The following PRKCG variants were observed in gnomAD, a reference collection of about 807,000 sequenced individuals.
The protein encoded by PRKCG is protein kinase C gamma.
PRKCG carries 28 observed loss-of-function variants against 82.0 expected under a neutral mutation model. That is an observed-to-expected ratio of 0.34 (90% CI 0.25 to 0.47). PRKCG has a LOEUF of 0.47. Among genes scored for constraint, PRKCG ranks in the 20% least tolerant of loss-of-function variants. PRKCG has a pLI of 1.00. For synonymous variants in PRKCG, 383 were observed against 376.6 expected (o/e 1.02, Z -0.20); for missense variants, 640 against 952.7 (o/e 0.67, Z 4.32).
intron 9 of PRKCG, among the ~76,000 whole-genome samples, chr19:53,894,634 A>G (rs189541729): frequency 9.2e-4 from 139 of 151,228 alleles, no homozygotes; most frequent in African/African-American, 3.2e-3. Flanking sequence ...TAATTTTTGT[A>G]TTTTTAGTAG....
rs757580939 is a variant in PRKCG at position 53,900,262 on chromosome 19, C to T, written c.1311C>T (p.Val437=). Residue 437 remains valine, a synonymous_variant, in exon 12 of 18, where the codon GTC becomes GTT. Transcript: ENST00000263431. The surrounding 1 kb of genome is among the most constrained non-coding windows in gnomAD (Gnocchi z 4.2). ...PDRLYFVMEY[V]TGGDLMYHIQ... ...GCCTGTATTTCGTGATGGAGTACGT[C>T]ACCGGGGGAGACTTGATGTACCACA... 1 of 1,614,138 alleles carries T rather than the reference C, an allele frequency of 6.2e-7. No individual in the cohort carries two copies. The highest frequency in any genetic ancestry group is 1.1e-5 in the South Asian group (1 of 91,084).
At position 53,906,757 on chromosome 19, in the gene PRKCG, A is replaced by G; in HGVS notation, c.1956A>G (p.Pro652=). The part of the protein sequence containing the change: ...NFDKFFTRAA[P]ALTPPDRLVL... ...ACAAGTTCTTCACGCGGGCGGCGCCAGCGCTGACCCCTCCAGACCGCCTAG... is the reference window on the plus strand; with the variant it reads ...ACAAGTTCTTCACGCGGGCGGCGCCGGCGCTGACCCCTCCAGACCGCCTAG... Residue 652 remains proline, a synonymous_variant, in exon 18 of 18, where the codon CCA becomes CCG. Coordinates refer to ENST00000263431, the MANE Select transcript of PRKCG (RefSeq NM_002739.5). 1.2e-6 allele frequency: 2 copies of G among 1,613,412 alleles called. No homozygotes were observed. Among genetic ancestry groups the G allele is most frequent in the Non-Finnish European group, 1.7e-6 (2 of 1,179,976 alleles).
At chr19:53,895,921 G>C (rs950857510) in intron 9 of PRKCG, among the ~76,000 whole-genome samples, 1 of 152,030 alleles carries the variant, frequency 6.6e-6, no homozygotes, top group Admixed American at 6.6e-5. Flanking sequence ...TTAGCTGGGC[G>C]TGGTGGTGGG....
intron 9 of PRKCG, among the ~76,000 whole-genome samples, chr19:53,897,182 G>T (rs1003569663): frequency 1.1e-4 from 16 of 152,158 alleles, no homozygotes; most frequent in African/African-American, 3.6e-4. Flanking sequence ...TAACACAGAG[G>T]GAGCAGTTAA....
chr19:53,906,086 T>TTCA lies in PRKCG; in HGVS notation c.1765-229_1765-228insATC, dbSNP rs2068806669. The stretch of plus-strand genomic sequence containing the variant: ...CTCCTCCTCCTCCTCCTCCTCCTCC[T>TTCA]TCTTCTTCTTCTTCTTCTTCTTCTT... On this transcript the variant is annotated intron_variant, in intron 16 of 17. Coordinates refer to ENST00000263431, the MANE Select transcript of PRKCG (RefSeq NM_002739.5). Among the ~76,000 whole-genome samples, 4 of 65,744 alleles carry TTCA rather than the reference T, an allele frequency of 6.1e-5. No individual in the cohort carries two copies. The South Asian group carries it at 2.2e-3, about 37-fold the overall frequency. The allele number at this position is 65,744 out of a possible 152,430, so 43.1% of individuals were successfully genotyped here. A position where few individuals can be genotyped will look rare whatever the true frequency, so the allele number is the denominator to read the frequency against.
chr19:53,888,217 C>T (rs2068646361), intron 3 of PRKCG, among the ~76,000 whole-genome samples: 1 of 152,134 alleles, frequency 6.6e-6, no homozygotes, highest in South Asian at 2.1e-4. Context: ...GAAAAGGATC[C>T]TGGAAACTGC....
chr19:53,891,728 A>G lies in PRKCG; in HGVS notation c.584A>G (p.Tyr195Cys), dbSNP rs1322657222. 1.9e-6 allele frequency: 3 copies of G among 1,613,894 alleles called. No homozygotes were observed. Among genetic ancestry groups the G allele is most frequent in the Non-Finnish European group, 2.5e-6 (3 of 1,179,978 alleles). ...PMDPNGLSDP[Y>C]VKLKLIPDPR... The stretch of plus-strand genomic sequence containing the variant: ...GACCCCAATGGTCTCTCTGATCCCT[A>G]TGTGAAACTGAAGCTCATCCCAGAC... The change falls in exon 6 of 18, where the codon TAT (tyrosine) becomes TGT (cysteine). Residue 195 changes from tyrosine (Y) to cysteine (C), a missense_variant. Tyr to Cys is a radical substitution (Grantham distance 194). Around this residue, in one of 7 missense-constraint regions of PRKCG, gnomAD observed 261 missense variants for 312.1 expected, o/e 0.84. Transcript: ENST00000263431.
At chr19:53,891,570 C>T (rs1486444543) in intron 5 of PRKCG, 104 bp from the exon 6 acceptor site, 6 of 1,449,986 alleles carry the variant, frequency 4.1e-6, no homozygotes, top group Non-Finnish European at 5.8e-6. Flanking sequence ...GCATGAGCCG[C>T]CGTGCCTGGC....
rs144233773 is a variant in PRKCG, at chr19:53,884,998, C to T, written c.285+755C>T. Among the ~76,000 whole-genome samples, 3 of 152,302 alleles carry T rather than the reference C, an allele frequency of 2.0e-5. No homozygotes were observed. Among genetic ancestry groups the T allele is most frequent in the East Asian group, 1.9e-4 (1 of 5,180 alleles). On this transcript the variant is annotated intron_variant, in intron 3 of 17. Transcript: ENST00000263431. The surrounding 1 kb of genome is among the most constrained non-coding windows in gnomAD (Gnocchi z 4.6). ...CCAGTCAACCCTGAGTGCCCATTCCCGTTCCCTTTTCTGCTTTATCTCTGA... is the reference window on the plus strand; with the variant it reads ...CCAGTCAACCCTGAGTGCCCATTCCTGTTCCCTTTTCTGCTTTATCTCTGA...
Position 53,889,992 on chromosome 19 carries a change from C to T in PRKCG, c.504C>T (p.Pro168=). 1.3e-6 allele frequency: 2 copies of T among 1,568,914 alleles called. No individual in the cohort carries two copies. The highest frequency in any genetic ancestry group is 2.0e-4 in the Middle Eastern group (1 of 5,002). The change falls in exon 5 of 18, where the codon CCC becomes CCT. Residue 168 remains proline (P), a synonymous_variant. Transcript: ENST00000263431. The surrounding 1 kb of genome is among the most constrained non-coding windows in gnomAD (Gnocchi z 4.4). ...RGRLQLEIRA[P]TADEIHVTVG... ...GCCTGCAGCTGGAGATCCGGGCTCCCACAGCAGATGAGATCCACGTAACTG... is the reference window on the plus strand; with the variant it reads ...GCCTGCAGCTGGAGATCCGGGCTCCTACAGCAGATGAGATCCACGTAACTG...
At position 53,900,824 on chromosome 19, in the gene PRKCG, A is replaced by G; in HGVS notation, c.1575+75A>G. 2 of 1,602,330 alleles carry G rather than the reference A, an allele frequency of 1.2e-6. No homozygotes were observed. The highest frequency in any genetic ancestry group is 2.2e-5 in the South Asian group (2 of 90,758). On this transcript the variant is annotated intron_variant, in intron 14 of 17. Coordinates refer to ENST00000263431, the MANE Select transcript of PRKCG (RefSeq NM_002739.5). This position sits in a 1 kb window ranked among gnomAD's most constrained non-coding sequence, Gnocchi z 4.2. ...TGTAGCTGATGGTCCAGTATTCACC[A>G]CGGGTGAGGCCTGACCCTCAGACCT...
rs386134168 is a variant in PRKCG, at chr19:53,889,901, T to C, written c.413T>C (p.Val138Ala). ...TCCCCTCCAGGCTGCGAGATGAACG[T>C]GCACCGGCGCTGTGTGCGTAGCGTG... ...GMKCSCCEMN[V>A]HRRCVRSVPS... Residue 138 changes from valine to alanine, a missense_variant, in exon 5 of 18, where the codon GTG becomes GCG. Physicochemically the swap from Val to Ala is moderately conservative, Grantham distance 64 (BLOSUM62 0). Transcript: ENST00000263431. The surrounding 1 kb of genome is among the most constrained non-coding windows in gnomAD (Gnocchi z 4.4). 5.7e-6 allele frequency: 9 copies of C among 1,585,012 alleles called. No homozygotes were observed. In the South Asian group the frequency reaches 1.0e-4, roughly 18 times the overall value.
At chr19:53,887,885 A>G (rs1330109608) in intron 3 of PRKCG, among the ~76,000 whole-genome samples, 1 of 151,598 alleles carries the variant, frequency 6.6e-6, no homozygotes, top group African/African-American at 2.4e-5. Context: ...GAATGATTTC[A>G]TTTAGTCCCC....
rs1381228091 is a variant in PRKCG at position 53,889,615 on chromosome 19, A to G, written c.286-23A>G. ...TTTTAGGACCCTCCCAACGCCCCCTAAGCCAGTCTTCTCTGCCCCCAGGAC... is the reference window on the plus strand; with the variant it reads ...TTTTAGGACCCTCCCAACGCCCCCTGAGCCAGTCTTCTCTGCCCCCAGGAC... On this transcript the variant is annotated intron_variant, in intron 3 of 17. Transcript: ENST00000263431. This position sits in a 1 kb window ranked among gnomAD's most constrained non-coding sequence, Gnocchi z 4.4. The G allele has an allele frequency of 2.5e-6, 4 of 1,598,560 alleles. No homozygotes were observed. The highest frequency in any genetic ancestry group is 3.4e-6 in the Non-Finnish European group (4 of 1,166,288).
chr19:53,889,543 T>C lies in PRKCG; in HGVS notation c.286-95T>C. On this transcript the variant is annotated intron_variant, in intron 3 of 17. Transcript: ENST00000263431. The surrounding 1 kb of genome is among the most constrained non-coding windows in gnomAD (Gnocchi z 4.4). ...AAAGAGATGGAGCCTCAGGCTGACCTAGAGAGCAAGGCAGGAGGAAAAGAT... is the reference window on the plus strand; with the variant it reads ...AAAGAGATGGAGCCTCAGGCTGACCCAGAGAGCAAGGCAGGAGGAAAAGAT... 1 of 895,308 alleles carries C rather than the reference T, an allele frequency of 1.1e-6. No homozygotes were observed. Among genetic ancestry groups the C allele is most frequent in the Non-Finnish European group, 1.8e-6 (1 of 545,648 alleles). The allele number at this position is 895,308 out of a possible 1,614,324, so 55.5% of individuals were successfully genotyped here.
chr19:53,893,225 T>TCGAGCCC, intron 8 of PRKCG, 137 bp from the exon 9 acceptor site: 1 of 1,269,238 alleles, frequency 7.9e-7, no homozygotes. Context: ...TCTAGGGGAC[T>TCGAGCCC]CGAGCCCCAG....
rs943167606 is a variant in PRKCG, at chr19:53,883,803, G to A, written c.203-358G>A. Among the ~76,000 whole-genome samples the A allele has an allele frequency of 6.6e-6, 1 of 152,196 alleles. No individual in the cohort carries two copies. Among genetic ancestry groups the A allele is most frequent in the Non-Finnish European group, 1.5e-5 (1 of 68,022 alleles). On this transcript the variant is annotated intron_variant, in intron 2 of 17. Transcript: ENST00000263431. The surrounding 1 kb of genome is among the most constrained non-coding windows in gnomAD (Gnocchi z 5.4). ...ATTTCGGTTTTCGCTCTTTGAATCT[G>A]TCTGCCTCTCTCCTGGCTTTCTGAT...
At chr19:53,885,717 G>T (rs1187815234) in intron 3 of PRKCG, among the ~76,000 whole-genome samples, 1 of 152,072 alleles carries the variant, frequency 6.6e-6, no homozygotes, top group African/African-American at 2.4e-5. Flanking sequence ...GAGATCCACA[G>T]AAGTCCATGA....
At position 53,884,021 on chromosome 19, in the gene PRKCG, ACT is replaced by A. The variant is rs2068613217; in HGVS notation, c.203-135_203-134del. 10 of 792,568 alleles carry A rather than the reference ACT, an allele frequency of 1.3e-5. No homozygotes were observed. The highest frequency in any genetic ancestry group is 1.2e-4 in the Admixed American group (6 of 49,570). The allele number at this position is 792,568 out of a possible 1,614,324, so 49.1% of individuals were successfully genotyped here. A position where few individuals can be genotyped will look rare whatever the true frequency, so the allele number is the denominator to read the frequency against. On this transcript the variant is annotated intron_variant, in intron 2 of 17. Transcript: ENST00000263431. This position sits in a 1 kb window ranked among gnomAD's most constrained non-coding sequence, Gnocchi z 4.6. Reference sequence around the variant, plus strand: ...TGGCCTCCGATTTTCTCTCTGTTGGACTCTCTGTGTTGAGATCCCTCTCTTTC... The same window carrying A: ...TGGCCTCCGATTTTCTCTCTGTTGGACTCTGTGTTGAGATCCCTCTCTTTC...
Sources: allele counts gnomAD v4.1 joint callset (sites outside exome capture counted in the v4.1 genomes callset), GRCh38; gene constraint gnomAD v4.1.1; regional missense constraint gnomAD v4.1.1; non-coding constraint Gnocchi (gnomAD v3.1); transcripts MANE v1.5; gene names NCBI Gene and HGNC (gene_info 2026-07-23, HGNC 2026-07-21).